The following PYGM variants were observed in gnomAD, a reference collection of about 807,000 sequenced individuals.
PYGM encodes the protein glycogen phosphorylase, muscle form.
Under a neutral mutation model 99.3 loss-of-function variants are expected in PYGM, and 81 were observed. The ratio of observed to expected loss-of-function variants is 0.82; its 90% confidence interval spans 0.68 to 0.98. PYGM has a LOEUF of 0.98. PYGM is among the 50% of genes least tolerant of loss of function. PYGM has a pLI of 0.00. For missense variants in PYGM, 1,030 were observed against 1,158.1 expected (o/e 0.89, Z 1.61); for synonymous variants, 436 against 451.5 (o/e 0.97, Z 0.44).
rs750081936 is a variant in PYGM at position 64,751,345 on chromosome 11, C to T, written c.1949G>A (p.Arg650Gln). 1.4e-5 allele frequency: 22 copies of T among 1,614,036 alleles called. No individual in the cohort carries two copies. The Admixed American group carries it at 1.5e-4, about 11-fold the overall frequency. Residue 650 changes from arginine (R) to glutamine (Q), a missense_variant, in exon 16 of 20, where the codon CGA becomes CAA. Arg to Gln is a conservative substitution (Grantham distance 43, BLOSUM62 1). Transcript: ENST00000164139. ...CCCACCTTTCTCGGCCAGTGAGACT[C>T]GGTAGTTCTCCAGGAAGATGACACG... ...RLRVIFLENY[R>Q]VSLAEKVIPA... is the part of the protein sequence containing the mutation.
intron 1 of PYGM, among the ~76,000 whole-genome samples, chr11:64,758,973 G>C (rs190774275): frequency 3.3e-5 from 5 of 152,362 alleles, no homozygotes; most frequent in African/African-American, 1.2e-4. Flanking sequence ...CAGGGACTGA[G>C]GTACTCGGGA....
At chr11:64,752,276 G>C in intron 13 of PYGM, 127 bp downstream of exon 13, 1 of 1,354,116 alleles carries the variant, frequency 7.4e-7, no homozygotes. Context: ...ACAGACTCCA[G>C]GCAACTTCCA....
At chr11:64,750,689 C>T in intron 16 of PYGM, 106 bp from the exon 17 acceptor site, 1 of 1,084,410 alleles carries the variant, frequency 9.2e-7, no homozygotes, top group South Asian at 1.4e-5. Flanking sequence ...TCAGAGTCGC[C>T]CCACCCCAAA....
At chr11:64,757,099 A>G (rs1274684455) in intron 5 of PYGM, among the ~76,000 whole-genome samples, 3 of 151,706 alleles carry the variant, frequency 2.0e-5, no homozygotes, top group Non-Finnish European at 4.4e-5. Context: ...TAATTTTTGT[A>G]TTTTTTGTAG....
In PYGM at chr11:64,750,399, A is replaced by G; in HGVS notation, c.2154T>C (p.Asp718=). Residue 718 remains aspartate, a synonymous_variant, in exon 17 of 20, where the codon GAT becomes GAC. Coordinates refer to ENST00000164139, the MANE Select transcript of PYGM (RefSeq NM_005609.4). Reference sequence around the variant, plus strand: ...ACCCTCTTTGGTCAAGCTTATCCACATCCTCCACCCGCATGCCAAAGATGA... The same window carrying G: ...ACCCTCTTTGGTCAAGCTTATCCACGTCCTCCACCCGCATGCCAAAGATGA... ...NFFIFGMRVE[D]VDKLDQRGYN... 6.2e-6 allele frequency: 10 copies of G among 1,614,024 alleles called. No homozygotes were observed. The highest frequency in any genetic ancestry group is 8.5e-6 in the Non-Finnish European group (10 of 1,179,980).
In PYGM at chr11:64,746,638, T is replaced by C; in HGVS notation, c.*21A>G. The C allele has an allele frequency of 1.2e-6, 2 of 1,613,832 alleles. No homozygotes were observed. Among genetic ancestry groups the C allele is most frequent in the Non-Finnish European group, 1.7e-6 (2 of 1,179,932 alleles). ...AGAGTGTGACAGACTCAAGGGCTGG[T>C]TTGGGGTCTGGTCTGGAGGCTCAGA... On this transcript the variant is annotated 3_prime_UTR_variant, in exon 20 of 20. Coordinates refer to ENST00000164139, the MANE Select transcript of PYGM (RefSeq NM_005609.4).
Position 64,747,273 on chromosome 11 carries a change from G to A in PYGM, c.2263C>T (p.Gln755Ter). ...ACAATGTCCTTGAACAGGTCGGGCT[G>A]TTTGGGGGAGAAGAAGCCACTGCTC... ...QLSSGFFSPK[Q>*]PDLFKDIVNM... Residue 755 changes from glutamine (Q) to a stop codon, truncating the protein, a stop_gained, in exon 18 of 20, where the codon CAG (glutamine) becomes TAG (stop). Coordinates refer to ENST00000164139, the MANE Select transcript of PYGM (RefSeq NM_005609.4). LOFTEE classifies it high-confidence loss of function. The A allele has an allele frequency of 1.2e-6, 2 of 1,614,200 alleles. No homozygotes were observed. Among genetic ancestry groups the A allele is most frequent in the Non-Finnish European group, 1.7e-6 (2 of 1,180,004 alleles).
intron 13 of PYGM, 100 bp downstream of exon 13, chr11:64,752,303 G>T: frequency 6.9e-7 from 1 of 1,452,436 alleles, no homozygotes; most frequent in South Asian, 1.2e-5. Flanking sequence ...GCCTGGGCTG[G>T]CAGGAGAGAT....
Position 64,755,628 on chromosome 11 carries a change from TC to T in PYGM, c.661-71del. On this transcript the variant is annotated intron_variant, in intron 5 of 19. Coordinates refer to ENST00000164139, the MANE Select transcript of PYGM (RefSeq NM_005609.4). This position sits in a 1 kb window ranked among gnomAD's most constrained non-coding sequence, Gnocchi z 4.1. ...GCCTCCCTCCCCTCAGGGCTGGGAC[TC>T]AAGGCTTTATCCCTGCACTCTGCAG... 8.1e-7 allele frequency: 1 copy of T among 1,231,770 alleles called. No individual in the cohort carries two copies. Among genetic ancestry groups the T allele is most frequent in the South Asian group, 1.2e-5 (1 of 80,254 alleles). The allele number at this position is 1,231,770 out of a possible 1,614,324, so 76.3% of individuals were successfully genotyped here.
Position 64,755,586 on chromosome 11 carries a change from G to A in PYGM, c.661-28C>T. On this transcript the variant is annotated intron_variant, in intron 5 of 19. Transcript: ENST00000164139. The surrounding 1 kb of genome is among the most constrained non-coding windows in gnomAD (Gnocchi z 4.1). ...GCGGGGGGCAATCCTGTCAGGAGCT[G>A]GCCAGCCCTGGCAATTGCCTCCCTC... 1.3e-6 allele frequency: 2 copies of A among 1,579,138 alleles called. No homozygotes were observed. The highest frequency in any genetic ancestry group is 1.3e-5 in the African/African-American group (1 of 74,258).
rs1436900766 is a variant in PYGM, at chr11:64,755,306, C to T, written c.822G>A (p.Glu274=). The change falls in exon 7 of 20, where the codon GAG becomes GAA. Residue 274 remains glutamate (E), a synonymous_variant. Transcript: ENST00000164139. The surrounding 1 kb of genome is among the most constrained non-coding windows in gnomAD (Gnocchi z 4.1). ...IQAVLDRNLA[E]NISRVLYPND... ...TGGGGTACAGGACACGAGAGATGTT[C>T]TCCGCCAGGTTTCGGTCCAACACAG... The T allele has an allele frequency of 6.2e-7, 1 of 1,614,028 alleles. No individual in the cohort carries two copies. Among genetic ancestry groups the T allele is most frequent in the Non-Finnish European group, 8.5e-7 (1 of 1,180,028 alleles).
Position 64,757,069 on chromosome 11 carries a change from C to T in PYGM, c.660+710G>A, listed in dbSNP as rs141272195. On this transcript the variant is annotated intron_variant, in intron 5 of 19. Transcript: ENST00000164139. ...CCACCCGAGTAGCTGGGACTACAGG[C>T]GCACACCATCACGCCTGGCTAATTT... Among the ~76,000 whole-genome samples, 468 of 152,194 alleles carry T rather than the reference C, an allele frequency of 3.1e-3. 2 individuals carry two copies. Among genetic ancestry groups the T allele is most frequent in the African/African-American group, 0.011 (451 of 41,520 alleles).
chr11:64,754,363 G>A lies in PYGM; in HGVS notation c.1000-18C>T. 1 of 1,574,476 alleles carries A rather than the reference G, an allele frequency of 6.4e-7. No homozygotes were observed. The highest frequency in any genetic ancestry group is 1.1e-5 in the South Asian group (1 of 90,226). ...ATGGCCACCTGGGGTAGGGGGAGGG[G>A]TCAGTCTGGGCTCCAAACCACATTC... On this transcript the variant is annotated intron_variant, in intron 8 of 19. Coordinates refer to ENST00000164139, the MANE Select transcript of PYGM (RefSeq NM_005609.4). The surrounding 1 kb of genome is among the most constrained non-coding windows in gnomAD (Gnocchi z 5.5).
intron 11 of PYGM, 35 bp from the exon 12 acceptor site, chr11:64,753,222 C>T (rs760077100): frequency 1.3e-6 from 2 of 1,551,624 alleles, no homozygotes; most frequent in African/African-American, 1.4e-5. Context: ...TCACCACTCA[C>T]CCCTGTACAA....
chr11:64,755,544 C>T lies in PYGM; in HGVS notation c.675G>A (p.Met225Ile). The change falls in exon 6 of 20, where the codon ATG becomes ATA. Residue 225 changes from methionine to isoleucine, a missense_variant. Transcript: ENST00000164139. The surrounding 1 kb of genome is among the most constrained non-coding windows in gnomAD (Gnocchi z 4.1). ...AGCCAGGCACGGGCGTATCGTAGGG[C>T]ATGGCCAGTACCACCTGCGGGGGGC... The part of the protein sequence containing the change: ...KWVDTQVVLA[M>I]PYDTPVPGYR... The T allele has an allele frequency of 2.5e-6, 4 of 1,614,042 alleles. No homozygotes were observed. The highest frequency in any genetic ancestry group is 2.2e-5 in the East Asian group (1 of 44,886).
rs926865212 is a variant in PYGM at position 64,747,926 on chromosome 11, A to G, written c.2178-568T>C. ...CATGGTGTCGTGTGCCTGTAATCCC[A>G]GCTCCTCGGGAGGCTGAGGTGGAAG... is the stretch of plus-strand genomic sequence containing the variant. On this transcript the variant is annotated intron_variant, in intron 17 of 19. Transcript: ENST00000164139. 2.3e-5 allele frequency: 4 copies of G among 171,850 alleles called. No individual in the cohort carries two copies. The South Asian group carries it at 5.3e-4, about 23-fold the overall frequency. 10.6% of individuals were successfully genotyped at this position (171,850 alleles called of 1,614,324 possible).
At position 64,754,954 on chromosome 11, in the gene PYGM, C is replaced by T; in HGVS notation, c.856-118G>A. ...GGGACCCCTGAGCCCTGAGCCGGCCCCCTCTCTGGGACCCAGGGGCCTTTC... is the reference window on the plus strand; with the variant it reads ...GGGACCCCTGAGCCCTGAGCCGGCCTCCTCTCTGGGACCCAGGGGCCTTTC... On this transcript the variant is annotated intron_variant, in intron 7 of 19. Coordinates refer to ENST00000164139, the MANE Select transcript of PYGM (RefSeq NM_005609.4). The surrounding 1 kb of genome is among the most constrained non-coding windows in gnomAD (Gnocchi z 5.5). 2 of 1,415,926 alleles carry T rather than the reference C, an allele frequency of 1.4e-6. No homozygotes were observed. Among genetic ancestry groups the T allele is most frequent in the South Asian group, 2.6e-5 (2 of 77,440 alleles). 87.7% of individuals were successfully genotyped at this position (1,415,926 alleles called of 1,614,324 possible).
chr11:64,752,207 C>A, intron 13 of PYGM, 136 bp from the exon 14 acceptor site: 1 of 1,377,914 alleles, frequency 7.3e-7, no homozygotes, highest in Non-Finnish European at 1.0e-6. Context: ...TGTACCAGGG[C>A]AGACATTGCT....
chr11:64,747,183 C>T (rs756755223), intron 18 of PYGM, 41 bp downstream of exon 18: 160 of 1,611,026 alleles, frequency 9.9e-5, no homozygotes, highest in Non-Finnish European at 1.3e-4. Flanking sequence ...TCGATCTGCC[C>T]TGCGGCCCCA....
Sources: gnomAD v4.1 joint callset for allele counts (sites outside exome capture counted in the v4.1 genomes callset) on GRCh38, gnomAD v4.1.1 for gene constraint, Gnocchi (gnomAD v3.1) non-coding constraint, MANE v1.5 for transcripts, NCBI Gene and HGNC (gene_info 2026-07-23, HGNC 2026-07-21) for gene names.